Variants in CSMD1 observed in about 807,000 individuals in gnomAD.
The protein encoded by CSMD1 is CUB and Sushi multiple domains 1, also known as CUB and sushi domain-containing protein 1.
In CSMD1, 213 loss-of-function variants were observed where a neutral mutation model predicts 417.5. The observed-to-expected ratio is 0.51, with a 90% confidence interval of 0.46 to 0.57. The LOEUF (loss-of-function observed/expected upper bound fraction) is 0.57. Among genes scored for constraint, CSMD1 ranks in the 20% least tolerant of loss-of-function variants. The pLI is 0.00. For synonymous variants in CSMD1, 2,862 were observed against 1,736.8 expected, an observed-to-expected ratio of 1.65 and a Z score of -16.11; for missense variants, 6,923 against 4,529.7, an observed-to-expected ratio of 1.53 and a Z score of -15.17.
intron 26 of CSMD1, among the ~76,000 whole-genome samples, chr8:3,270,391 A>T (rs889431962): frequency 2.6e-5 from 4 of 152,108 alleles, no homozygotes; most frequent in Non-Finnish European, 4.4e-5. Flanking sequence ...TTGCTGCCTC[A>T]AGATTATTTT....
At chr8:4,218,748 G>T (rs548118451) in intron 3 of CSMD1, among the ~76,000 whole-genome samples, 1 of 152,284 alleles carries the variant, frequency 6.6e-6, no homozygotes, top group South Asian at 2.1e-4. Flanking sequence ...AAACCTGGCT[G>T]TTTTCATCAG....
At position 3,887,644 on chromosome 8, in the gene CSMD1, T is replaced by C. The variant is rs149751220; in HGVS notation, c.818+110259A>G. Among the ~76,000 whole-genome samples the C allele has an allele frequency of 6.1e-3, 923 of 152,334 alleles. 7 individuals carry two copies. The highest frequency in any genetic ancestry group is 0.014 in the Middle Eastern group (4 of 294). The stretch of plus-strand genomic sequence containing the variant: ...TATAAATAGAGAGTTGAGAACACTG[T>C]TCCACACCTAGAGTTAAGAGACAAT... On this transcript the variant is annotated intron_variant, in intron 5 of 69. Transcript: ENST00000635120.
chr8:3,840,820 C>G (rs954099430), intron 5 of CSMD1, among the ~76,000 whole-genome samples: 1 of 151,710 alleles, frequency 6.6e-6, no homozygotes, highest in Non-Finnish European at 1.5e-5. Flanking sequence ...CTCAACCTTC[C>G]AAGTAGCTGG....
At chr8:4,478,054 C>G (rs1563216956) in intron 2 of CSMD1, among the ~76,000 whole-genome samples, 1 of 152,118 alleles carries the variant, frequency 6.6e-6, no homozygotes, top group Non-Finnish European at 1.5e-5. Flanking sequence ...TGTAGCACTC[C>G]CCGAGTTAAA....
chr8:4,589,695 T>C (rs1186161928), intron 2 of CSMD1, among the ~76,000 whole-genome samples: 1 of 152,220 alleles, frequency 6.6e-6, no homozygotes, highest in Non-Finnish European at 1.5e-5. Context: ...AATTGTTGAA[T>C]GGTACAATTA....
At chr8:4,212,506 TTTAGA>T (rs1361187756) in intron 3 of CSMD1, among the ~76,000 whole-genome samples, 13 of 152,052 alleles carry the variant, frequency 8.5e-5, no homozygotes, top group Non-Finnish European at 1.9e-4. Context: ...CTAAAGCTTA[TTTAGA>T]TTAGACATTA....
intron 23 of CSMD1, among the ~76,000 whole-genome samples, chr8:3,314,949 G>C (rs1224274540): frequency 1.3e-5 from 2 of 152,192 alleles, no homozygotes; most frequent in Non-Finnish European, 2.9e-5. Flanking sequence ...TCTTGAGAAA[G>C]TAGTTTCATG....
At chr8:3,483,671 G>A (rs1322283510) in intron 11 of CSMD1, among the ~76,000 whole-genome samples, 1 of 151,916 alleles carries the variant, frequency 6.6e-6, no homozygotes, top group African/African-American at 2.4e-5. Flanking sequence ...GTCAGACAAA[G>A]GCAGTACAAA....
chr8:3,649,396 G>A (rs62474660), intron 7 of CSMD1, among the ~76,000 whole-genome samples: 30,376 of 152,138 alleles, frequency 0.2, 3,638 homozygotes, highest in South Asian at 0.33. Context: ...GTATTAGTTC[G>A]TTTTCACACT....
chr8:3,307,101 C>A (rs1234570749), intron 25 of CSMD1, among the ~76,000 whole-genome samples: 1 of 152,170 alleles, frequency 6.6e-6, no homozygotes, highest in African/African-American at 2.4e-5. Flanking sequence ...CTTTGCTTCT[C>A]TTCCTATTAA....
chr8:4,787,792 G>A, intron 1 of CSMD1: 1 of 1,573,278 alleles, frequency 6.4e-7, no homozygotes, highest in Non-Finnish European at 8.7e-7. Context: ...AGGCCAGACT[G>A]AATTGGATAT....
At chr8:3,278,212 G>C (rs1041145920) in intron 26 of CSMD1, among the ~76,000 whole-genome samples, 1 of 152,170 alleles carries the variant, frequency 6.6e-6, no homozygotes, top group Non-Finnish European at 1.5e-5. Flanking sequence ...AGTCAAATAA[G>C]TGTTTAAAAA....
At chr8:4,138,018 G>C (rs13264666) in intron 3 of CSMD1, among the ~76,000 whole-genome samples, 40,021 of 139,226 alleles carry the variant, frequency 0.29, 7,055 homozygotes, top group Non-Finnish European at 0.38. Context: ...GCTGCGACTA[G>C]AGGCGCCCGC....
chr8:3,190,916 T>G lies in CSMD1; in HGVS notation c.5195-801A>C, dbSNP rs1337004298. Reference sequence around the variant, plus strand: ...ACTTCTATGGGGAGATCTAAAGTAGTGGCACTCATAGAACCAGAGAGATTT... The same window carrying G: ...ACTTCTATGGGGAGATCTAAAGTAGGGGCACTCATAGAACCAGAGAGATTT... On this transcript the variant is annotated intron_variant, in intron 33 of 69. Coordinates refer to ENST00000635120, the MANE Select transcript of CSMD1 (RefSeq NM_033225.6). Among the ~76,000 whole-genome samples, 5 of 152,290 alleles carry G rather than the reference T, an allele frequency of 3.3e-5. No individual in the cohort carries two copies. The South Asian group carries it at 1.0e-3, about 32-fold the overall frequency.
intron 3 of CSMD1, among the ~76,000 whole-genome samples, chr8:4,145,207 G>C (rs865926972): frequency 8.6e-5 from 13 of 151,010 alleles, no homozygotes; most frequent in Admixed American, 2.0e-4. Context: ...TTTATATTGA[G>C]TACAGATCCT....
chr8:2,942,641 G>C (rs917978023), intron 68 of CSMD1, 37 bp from the exon 69 acceptor site: 4 of 1,490,054 alleles, frequency 2.7e-6, no homozygotes, highest in Non-Finnish European at 3.6e-6. Flanking sequence ...TGTTGTTACT[G>C]TACTCTGCTT....
chr8:3,779,006 G>C (rs968268022), intron 5 of CSMD1, among the ~76,000 whole-genome samples: 1 of 152,144 alleles, frequency 6.6e-6, no homozygotes, highest in Non-Finnish European at 1.5e-5. Flanking sequence ...GCTCAGATCA[G>C]CTCAGAGACA....
chr8:4,269,319 C>A (rs1330387275), intron 3 of CSMD1, among the ~76,000 whole-genome samples: 4 of 152,118 alleles, frequency 2.6e-5, no homozygotes, highest in Non-Finnish European at 5.9e-5. Flanking sequence ...CCGCACTGGC[C>A]TCCCCCAAAG....
At chr8:4,858,897 C>A (rs998323988) in intron 1 of CSMD1, among the ~76,000 whole-genome samples, 6 of 150,476 alleles carry the variant, frequency 4.0e-5, no homozygotes, top group African/African-American at 1.5e-4. Context: ...ACTTTCTTCA[C>A]AGAATTGGAA....
Sources: allele counts gnomAD v4.1 joint callset (sites outside exome capture counted in the v4.1 genomes callset), GRCh38; gene constraint gnomAD v4.1.1; transcripts MANE v1.5; gene names NCBI Gene and HGNC (gene_info 2026-07-23, HGNC 2026-07-21).